Variants in STRN3 observed in about 807,000 individuals in gnomAD.
STRN3 encodes the protein striatin-3.
A neutral mutation model predicts 95.6 loss-of-function variants in STRN3; 29 were observed. That is an observed-to-expected ratio of 0.30 (90% CI 0.23 to 0.41). STRN3 has a LOEUF of 0.41. Among genes scored for constraint, STRN3 ranks in the 10% least tolerant of loss-of-function variants. STRN3 has a pLI of 1.00. For missense variants in STRN3, 890 were observed against 972.1 expected (o/e 0.92, Z 1.12); for synonymous variants, 331 against 357.6 (o/e 0.93, Z 0.84).
At chr14:30,975,111 C>A (rs1362711433) in intron 1 of STRN3, among the ~76,000 whole-genome samples, 1 of 36,998 alleles carries the variant, frequency 2.7e-5, no homozygotes, top group Non-Finnish European at 9.1e-5. Context: ...CACATACACG[C>A]ATGCTTATAG....
chr14:31,003,011 C>A (rs141236110), intron 1 of STRN3, among the ~76,000 whole-genome samples: 1 of 151,972 alleles, frequency 6.6e-6, no homozygotes, highest in African/African-American at 2.4e-5. Flanking sequence ...TGCCTGTAAT[C>A]CCAGCACTTT....
At chr14:30,925,462 T>G (rs375420679) in intron 8 of STRN3, among the ~76,000 whole-genome samples, 66 of 152,330 alleles carry the variant, frequency 4.3e-4, no homozygotes, top group African/African-American at 1.4e-3. Context: ...GCAAATAGTT[T>G]TCTTCCCTCT....
chr14:30,957,992 A>ATTT (rs72526347), intron 1 of STRN3, among the ~76,000 whole-genome samples: 59,606 of 151,814 alleles, frequency 0.39, 12,412 homozygotes, highest in Non-Finnish European at 0.46. Flanking sequence ...TCAACTAATA[A>ATTT]AAACACCTAA....
chr14:30,991,101 G>T, intron 1 of STRN3, among the ~76,000 whole-genome samples: 1 of 152,144 alleles, frequency 6.6e-6, no homozygotes, highest in East Asian at 1.9e-4. Context: ...CAGGCCAGCA[G>T]TATTTCTAGG....
chr14:30,955,996 G>T, intron 2 of STRN3, 143 bp downstream of exon 2: 1 of 639,604 alleles, frequency 1.6e-6, no homozygotes. Flanking sequence ...TCTTTCCCAA[G>T]TATGAATCAA....
chr14:30,982,857 T>C (rs1170854835), intron 1 of STRN3, among the ~76,000 whole-genome samples: 5 of 152,130 alleles, frequency 3.3e-5, no homozygotes, highest in Non-Finnish European at 1.5e-5. Context: ...GTACTGTGCT[T>C]ATTGCCTGGG....
intron 4 of STRN3, among the ~76,000 whole-genome samples, chr14:30,950,202 T>C (rs1415329858): frequency 1.3e-5 from 2 of 151,934 alleles, no homozygotes; most frequent in Non-Finnish European, 2.9e-5. Context: ...AATAACACAG[T>C]GGTCGGAGGT....
chr14:30,994,772 T>C (rs2139271414), intron 1 of STRN3, among the ~76,000 whole-genome samples: 1 of 152,352 alleles, frequency 6.6e-6, no homozygotes, highest in Admixed American at 6.5e-5. Flanking sequence ...GACTACTGAG[T>C]GCCTCATAAT....
chr14:31,025,712 C>T, intron 1 of STRN3, 192 bp downstream of exon 1: 2 of 827,546 alleles, frequency 2.4e-6, no homozygotes, highest in Admixed American at 3.0e-5. Flanking sequence ...GGTTGGGGAG[C>T]AAGCTTATGC....
At chr14:31,003,313 A>C (rs1882557297) in intron 1 of STRN3, among the ~76,000 whole-genome samples, 1 of 151,620 alleles carries the variant, frequency 6.6e-6, no homozygotes, top group Non-Finnish European at 1.5e-5. Context: ...AAGATGGTAA[A>C]TTTTATGTCA....
intron 7 of STRN3, among the ~76,000 whole-genome samples, chr14:30,929,973 A>AAAAAAACAAAAAAAAAAAAAAAC (rs1566441507): frequency 6.7e-6 from 1 of 149,816 alleles, no homozygotes; most frequent in African/African-American, 2.4e-5. Context: ...AAAAAAAAAA[A>AAAAAAACAAAAAAAAAAAAAAAC]AAAAAACTCA....
At chr14:30,910,217 A>C (rs1423470767) in intron 13 of STRN3, among the ~76,000 whole-genome samples, 1 of 152,184 alleles carries the variant, frequency 6.6e-6, no homozygotes, top group African/African-American at 2.4e-5. Flanking sequence ...ACCTTTCTTG[A>C]CTAACTCTTC....
intron 1 of STRN3, among the ~76,000 whole-genome samples, chr14:30,957,228 G>GGATCACGAGGTCAGGAGATCGAGACGGA: frequency 6.6e-6 from 1 of 152,166 alleles, no homozygotes; most frequent in East Asian, 1.9e-4. Flanking sequence ...GCCGAGGCGG[G>GGATCACGAGGTCAGGAGATCGAGACGGA]TGGATCACGA....
intron 12 of STRN3, 75 bp downstream of exon 12, chr14:30,911,702 C>G: frequency 7.6e-7 from 1 of 1,321,600 alleles, no homozygotes; most frequent in Non-Finnish European, 1.0e-6. Flanking sequence ...GAGAAAATTA[C>G]AAGGTTTGAG....
At chr14:30,913,456 A>C in intron 10 of STRN3, 68 bp downstream of exon 10, 1 of 1,440,646 alleles carries the variant, frequency 6.9e-7, no homozygotes, top group Non-Finnish European at 9.2e-7. Context: ...TCTGTTTTAT[A>C]AGTGATTCCA....
chr14:30,895,274 AC>A lies in STRN3; in HGVS notation c.*136del. ...AGCTTGACATTAAGATGTGATTTCC[AC>A]CAATTTGTGCCTGCCCCAGATAGCC... On this transcript the variant is annotated 3_prime_UTR_variant, in exon 18 of 18. Transcript: ENST00000357479. The A allele has an allele frequency of 1.1e-6, 1 of 878,884 alleles. No individual in the cohort carries two copies. Among genetic ancestry groups the A allele is most frequent in the Non-Finnish European group, 1.7e-6 (1 of 598,810 alleles). 54.4% of individuals were successfully genotyped at this position (878,884 alleles called of 1,614,324 possible). A position where few individuals can be genotyped will look rare whatever the true frequency, so the allele number is the denominator to read the frequency against.
chr14:30,924,519 T>C (rs1253018899), intron 8 of STRN3, among the ~76,000 whole-genome samples: 1 of 152,022 alleles, frequency 6.6e-6, no homozygotes, highest in Non-Finnish European at 1.5e-5. Flanking sequence ...CTCAAACTCT[T>C]GACCTCAGGT....
intron 1 of STRN3, among the ~76,000 whole-genome samples, chr14:30,986,310 C>T (rs1233236407): frequency 2.0e-5 from 3 of 147,140 alleles, no homozygotes; most frequent in African/African-American, 7.4e-5. Flanking sequence ...AAGAGAAATA[C>T]GTATTTTTAT....
chr14:31,024,162 GT>G (rs1229597970), intron 1 of STRN3, among the ~76,000 whole-genome samples: 1 of 152,190 alleles, frequency 6.6e-6, no homozygotes, highest in Non-Finnish European at 1.5e-5. Context: ...CATTAGTGAA[GT>G]TTATGGGTGA....
Sources: allele counts gnomAD v4.1 joint callset (sites outside exome capture counted in the v4.1 genomes callset), GRCh38; gene constraint gnomAD v4.1.1; transcripts MANE v1.5; gene names NCBI Gene and HGNC (gene_info 2026-07-23, HGNC 2026-07-21).